The following LIN52 variants were observed in gnomAD, a reference collection of about 807,000 sequenced individuals.
LIN52 encodes protein lin-52 homolog.
Under a neutral mutation model 18.5 loss-of-function variants are expected in LIN52, and 4 were observed. The observed-to-expected ratio is 0.22, with a 90% CI of 0.11 to 0.49. The LOEUF is 0.49. Ranked by LOEUF, LIN52 falls within the 20% of genes least tolerant of loss-of-function variation. The pLI, the probability that LIN52 is intolerant of heterozygous loss-of-function variation, is 0.97. For synonymous variants in LIN52, 34 were observed against 45.5 expected, an observed-to-expected ratio of 0.75 and a Z score of 1.02; for missense variants, 102 against 139.5, an observed-to-expected ratio of 0.73 and a Z score of 1.35.
rs78619380 is a variant in LIN52, at chr14:74,163,496, G to A, written c.284-35426G>A. Reference sequence around the variant, plus strand: ...ACAAAACCAAGGTAGGAGTGGGGGGGATGACAAAACAGTTATAATCATGGA... The same window carrying A: ...ACAAAACCAAGGTAGGAGTGGGGGGAATGACAAAACAGTTATAATCATGGA... On this transcript the variant is annotated intron_variant, in intron 5 of 5. Transcript: ENST00000555028. 6.9e-3 allele frequency among the ~76,000 whole-genome samples: 1,047 copies of A among 152,256 alleles called. 15 individuals carry two copies. Among genetic ancestry groups the A allele is most frequent in the African/African-American group, 0.024 (1,008 of 41,534 alleles).
Position 74,199,032 on chromosome 14 carries a change from G to T in LIN52, c.*55G>T. ...TCCGAAACCAAGCTCCCTTCCCGGT[G>T]CACCTCTAACAATGCACACCTCACT... is the stretch of plus-strand genomic sequence containing the variant. On this transcript the variant is annotated 3_prime_UTR_variant, in exon 6 of 6. Transcript: ENST00000555028. The T allele has an allele frequency of 7.8e-7, 1 of 1,279,644 alleles. No homozygotes were observed. The highest frequency in any genetic ancestry group is 1.1e-6 in the Non-Finnish European group (1 of 878,586). The allele number at this position is 1,279,644 out of a possible 1,614,324, so 79.3% of individuals were successfully genotyped here. A position where few individuals can be genotyped will look rare whatever the true frequency, so the allele number is the denominator to read the frequency against.
At chr14:74,118,411 T>C (rs2060976918) in intron 5 of LIN52, among the ~76,000 whole-genome samples, 1 of 152,204 alleles carries the variant, frequency 6.6e-6, no homozygotes, top group African/African-American at 2.4e-5. Flanking sequence ...ACACAAATTA[T>C]AATGTACAAC....
chr14:74,199,084 T>C lies in LIN52; in HGVS notation c.*107T>C. 1 of 786,554 alleles carries C rather than the reference T, an allele frequency of 1.3e-6. No homozygotes were observed. Among genetic ancestry groups the C allele is most frequent in the Non-Finnish European group, 2.2e-6 (1 of 455,942 alleles). The allele number at this position is 786,554 out of a possible 1,614,324, so 48.7% of individuals were successfully genotyped here. ...CTTGCTTGGGAGAGGCCAGAGGGTG[T>C]ACCTCCAGGACTGCCCTCTCCCCTG... On this transcript the variant is annotated 3_prime_UTR_variant, in exon 6 of 6. Coordinates refer to ENST00000555028, the MANE Select transcript of LIN52 (RefSeq NM_001024674.3).
chr14:74,167,323 A>T (rs2061254203), intron 5 of LIN52, among the ~76,000 whole-genome samples: 1 of 152,140 alleles, frequency 6.6e-6, no homozygotes, highest in African/African-American at 2.4e-5. Flanking sequence ...ATCTGAAGAA[A>T]TACTGAATAG....
At position 74,101,298 on chromosome 14, in the gene LIN52, C is replaced by T. The variant is rs1017922648; in HGVS notation, c.283+60C>T. On this transcript the variant is annotated intron_variant, in intron 5 of 5. Coordinates refer to ENST00000555028, the MANE Select transcript of LIN52 (RefSeq NM_001024674.3). ...TTCCACCCTGAGCTGTGTATTCCAC[C>T]CTGAGCTCAGGTATTCCACCCTGAG... 4.2e-6 allele frequency: 5 copies of T among 1,196,236 alleles called. No individual in the cohort carries two copies. In the African/African-American group the frequency reaches 7.9e-5, roughly 19 times the overall value. The allele number at this position is 1,196,236 out of a possible 1,614,324, so 74.1% of individuals were successfully genotyped here. A position where few individuals can be genotyped will look rare whatever the true frequency, so the allele number is the denominator to read the frequency against.
intron 2 of LIN52, among the ~76,000 whole-genome samples, chr14:74,095,188 G>T (rs1181470561): frequency 8.5e-5 from 10 of 118,184 alleles, no homozygotes; most frequent in African/African-American, 2.4e-4. Context: ...GTCTTCCTCT[G>T]TTGCCCAGTT....
In LIN52 at chr14:74,094,466, C is replaced by G. The variant is rs146233825; in HGVS notation, c.95-1482C>G. 4.7e-3 allele frequency among the ~76,000 whole-genome samples: 713 copies of G among 152,096 alleles called. 2 individuals are homozygous for G. The highest frequency in any genetic ancestry group is 0.015 in the African/African-American group (602 of 41,502). On this transcript the variant is annotated intron_variant, in intron 2 of 5. Coordinates refer to ENST00000555028, the MANE Select transcript of LIN52 (RefSeq NM_001024674.3). ...GGGGGACAAGATCTCACTGTGTTGC[C>G]CAGACTGGTCTCAGACTCCTGGGCT...
chr14:74,149,676 G>C (rs2061168167), intron 5 of LIN52, among the ~76,000 whole-genome samples: 1 of 152,118 alleles, frequency 6.6e-6, no homozygotes, highest in Non-Finnish European at 1.5e-5. Flanking sequence ...AAATGCCTTT[G>C]AATTCTAACT....
At chr14:74,155,350 T>C (rs1298796356) in intron 5 of LIN52, among the ~76,000 whole-genome samples, 5 of 152,268 alleles carry the variant, frequency 3.3e-5, no homozygotes, top group Admixed American at 6.5e-5. Context: ...CCTATTAATA[T>C]GGACGCCTCA....
At chr14:74,177,575 A>G (rs1359348615) in intron 5 of LIN52, among the ~76,000 whole-genome samples, 1 of 152,198 alleles carries the variant, frequency 6.6e-6, no homozygotes, top group East Asian at 1.9e-4. Flanking sequence ...GTAAGCAAAA[A>G]CACAGCCCTT....
At chr14:74,157,371 T>TTAATCAATCAAGA (rs1341601976) in intron 5 of LIN52, among the ~76,000 whole-genome samples, 2 of 151,998 alleles carry the variant, frequency 1.3e-5, no homozygotes, top group Non-Finnish European at 2.9e-5. Flanking sequence ...TGATAGACAC[T>TTAATCAATCAAGA]TAGGTTGATT....
chr14:74,121,754 C>G (rs1379724756), intron 5 of LIN52, among the ~76,000 whole-genome samples: 1 of 149,206 alleles, frequency 6.7e-6, no homozygotes, highest in Non-Finnish European at 1.5e-5. Flanking sequence ...GACGGAGTCT[C>G]ACTCCGTCAC....
chr14:74,165,371 T>C (rs2061244107), intron 5 of LIN52, among the ~76,000 whole-genome samples: 1 of 152,138 alleles, frequency 6.6e-6, no homozygotes, highest in African/African-American at 2.4e-5. Context: ...CACTTTTTTT[T>C]TCATTCCTTT....
intron 5 of LIN52, among the ~76,000 whole-genome samples, chr14:74,157,457 A>AT (rs141924841): frequency 0.027 from 3,179 of 119,024 alleles, 98 homozygotes; most frequent in African/African-American, 0.084. Context: ...ATATATATAT[A>AT]TATTTTTTAA....
At chr14:74,154,794 G>T (rs2061192650) in intron 5 of LIN52, among the ~76,000 whole-genome samples, 1 of 152,194 alleles carries the variant, frequency 6.6e-6, no homozygotes, top group South Asian at 2.1e-4. Flanking sequence ...ACTAGTGTAA[G>T]ATGAATGCTT....
At chr14:74,086,794 A>AGGGGT (rs1396995414) in intron 1 of LIN52, among the ~76,000 whole-genome samples, 1 of 152,144 alleles carries the variant, frequency 6.6e-6, no homozygotes, top group Non-Finnish European at 1.5e-5. Context: ...GGGAATAGGG[A>AGGGGT]GTTATTGTTA....
intron 5 of LIN52, among the ~76,000 whole-genome samples, chr14:74,102,022 G>A (rs2060860768): frequency 1.3e-5 from 2 of 152,090 alleles, no homozygotes; most frequent in South Asian, 4.1e-4. Context: ...TGATCTTCCT[G>A]CCTCAGCCTT....
intron 5 of LIN52, among the ~76,000 whole-genome samples, chr14:74,105,104 G>C (rs12590305): frequency 0.14 from 20,939 of 152,168 alleles, 2,032 homozygotes; most frequent in East Asian, 0.58. Flanking sequence ...TCAGAATAAT[G>C]AGTTTGTTCC....
chr14:74,107,645 A>G (rs1335339715), intron 5 of LIN52, among the ~76,000 whole-genome samples: 1 of 151,944 alleles, frequency 6.6e-6, no homozygotes, highest in African/African-American at 2.4e-5. Context: ...TAAGAATCAT[A>G]TTTTTACTTT....
Sources: gnomAD v4.1 joint callset for allele counts (sites outside exome capture counted in the v4.1 genomes callset) on GRCh38, gnomAD v4.1.1 for gene constraint, MANE v1.5 for transcripts, NCBI Gene and HGNC (gene_info 2026-07-23, HGNC 2026-07-21) for gene names.